The following GRIN2D variants were observed in gnomAD, a reference collection of about 807,000 sequenced individuals.
GRIN2D encodes glutamate receptor ionotropic, NMDA 2D.
In GRIN2D, 37 loss-of-function variants were observed where a neutral mutation model predicts 103.2. The observed-to-expected ratio is 0.36, with a 90% CI of 0.28 to 0.47. The LOEUF is 0.47. Ranked by LOEUF, GRIN2D falls within the 20% of genes least tolerant of loss-of-function variation. The pLI is 1.00. For missense variants in GRIN2D, 1,557 were observed against 1,910.6 expected (o/e 0.81, Z 3.45); for synonymous variants, 845 against 885.6 (o/e 0.95, Z 0.81).
intron 4 of GRIN2D, among the ~76,000 whole-genome samples, chr19:48,412,827 TA>T (rs201379585): frequency 0.012 from 1,143 of 98,774 alleles, 6 homozygotes; most frequent in African/African-American, 0.022. Context: ...AACCACACAT[TA>T]AAAAAAAAAA....
rs778622196 is a variant in GRIN2D at position 48,414,083 on chromosome 19, C to G, written c.1178C>G (p.Thr393Ser). The G allele has an allele frequency of 8.7e-6, 14 of 1,606,044 alleles. No individual in the cohort carries two copies. Among genetic ancestry groups the G allele is most frequent in the Non-Finnish European group, 1.2e-5 (14 of 1,172,816 alleles). Residue 393 changes from threonine (T) to serine (S), a missense_variant, in exon 5 of 14, where the codon ACC becomes AGC. Physicochemically the swap from Thr to Ser is moderately conservative, Grantham distance 58. Around this residue, in one of 7 missense-constraint regions of GRIN2D, gnomAD observed 490 missense variants for 601.1 expected, o/e 0.82. Transcript: ENST00000263269. The surrounding 1 kb of genome is among the most constrained non-coding windows in gnomAD (Gnocchi z 4.6). ...CCCTCCCTGGTGGTCATCTCCCTCA[C>G]CAGAGACAGGACGTGGGAGGTGGTG... Reference protein sequence around the residue: ...VNPSLVVISLTRDRTWEVVGS... With the variant: ...VNPSLVVISLSRDRTWEVVGS...
intron 3 of GRIN2D, among the ~76,000 whole-genome samples, chr19:48,401,265 G>A (rs1699934): frequency 0.58 from 87,482 of 150,230 alleles, 26,846 homozygotes; most frequent in East Asian, 0.81. Flanking sequence ...GAGGGGGGGG[G>A]AAAAAAAGAG....
intron 8 of GRIN2D, 140 bp from the exon 9 acceptor site, chr19:48,419,094 G>T: frequency 1.6e-6 from 1 of 609,414 alleles, no homozygotes; most frequent in Middle Eastern, 4.6e-4. Context: ...GGCCAGTCTG[G>T]TCTTGAACTC....
At chr19:48,427,593 C>T (rs775319212) in intron 11 of GRIN2D, among the ~76,000 whole-genome samples, 1 of 150,166 alleles carries the variant, frequency 6.7e-6, no homozygotes, top group Non-Finnish European at 1.5e-5. Context: ...AATTCTCTGC[C>T]TCAGCCTCCT....
chr19:48,428,931 A>T (rs562249782), intron 11 of GRIN2D, among the ~76,000 whole-genome samples: 1 of 152,168 alleles, frequency 6.6e-6, no homozygotes, highest in East Asian at 1.9e-4. Flanking sequence ...TAGGACTGGA[A>T]CCCTGGCAGC....
Position 48,404,940 on chromosome 19 carries a change from C to T in GRIN2D, c.672C>T (p.Asp224=). 6.2e-7 allele frequency: 1 copy of T among 1,613,186 alleles called. No individual in the cohort carries two copies. The highest frequency in any genetic ancestry group is 8.5e-7 in the Non-Finnish European group (1 of 1,179,724). The part of the protein sequence containing the change: ...GWEHRGALTL[D]PGAGEAVLSA... Reference sequence around the variant, plus strand: ...AGCACCGCGGAGCGCTGACGCTGGACCCTGGGGCGGGCGAGGCCGTGCTCA... The same window carrying T: ...AGCACCGCGGAGCGCTGACGCTGGATCCTGGGGCGGGCGAGGCCGTGCTCA... The change falls in exon 4 of 14, where the codon GAC becomes GAT. Residue 224 remains aspartate, a synonymous_variant. Transcript: ENST00000263269.
In GRIN2D at chr19:48,405,226, G is replaced by T; in HGVS notation, c.958G>T (p.Val320Leu). ...CTGGCGGGATGACCTGGCTCGGCGA[G>T]TGGCAGCTGGCGTGGCCGTAGTGGC... ...AGWRDDLARR[V>L]AAGVAVVARG... Residue 320 changes from valine to leucine, a missense_variant, in exon 4 of 14, where the codon GTG (valine) becomes TTG (leucine). Coordinates refer to ENST00000263269, the MANE Select transcript of GRIN2D (RefSeq NM_000836.4). The surrounding 1 kb of genome is among the most constrained non-coding windows in gnomAD (Gnocchi z 5.1). 2 of 1,598,082 alleles carry T rather than the reference G, an allele frequency of 1.3e-6. No individual in the cohort carries two copies. Among genetic ancestry groups the T allele is most frequent in the South Asian group, 1.1e-5 (1 of 90,126 alleles).
Position 48,421,470 on chromosome 19 carries a change from G to A in GRIN2D, c.2092-315G>A, listed in dbSNP as rs1439116640. On this transcript the variant is annotated intron_variant, in intron 10 of 13. Coordinates refer to ENST00000263269, the MANE Select transcript of GRIN2D (RefSeq NM_000836.4). The surrounding 1 kb of genome is among the most constrained non-coding windows in gnomAD (Gnocchi z 4.8). ...CTATTTCTGAACGGATTGGTAAATA[G>A]CAACAGCTCCCAGCTCCTGCCATGC... Among the ~76,000 whole-genome samples, 1 of 151,756 alleles carries A rather than the reference G, an allele frequency of 6.6e-6. No homozygotes were observed. Among genetic ancestry groups the A allele is most frequent in the African/African-American group, 2.4e-5 (1 of 41,248 alleles).
intron 3 of GRIN2D, among the ~76,000 whole-genome samples, chr19:48,402,765 CGAGAGAGAGAGAGAGAGAGAGAGAGA>C: frequency 9.2e-6 from 1 of 109,004 alleles, no homozygotes; most frequent in South Asian, 3.4e-4. Flanking sequence ...TACTCCTTTA[CGAGAGAGAGAGAGAGAGAGAGAGAGA>C]GAGAGAGAGA....
At position 48,425,926 on chromosome 19, in the gene GRIN2D, C is replaced by T. The variant is rs75948454; in HGVS notation, c.2252+3981C>T. Among the ~76,000 whole-genome samples the T allele has an allele frequency of 8.5e-3, 1,291 of 152,178 alleles. 6 individuals carry two copies. Among genetic ancestry groups the T allele is most frequent in the Middle Eastern group, 0.024 (7 of 294 alleles). On this transcript the variant is annotated intron_variant, in intron 11 of 13. Transcript: ENST00000263269. ...GTGAATTTCCCGGCTTCTCATAAAGCTTCCCCTGCCCCTCCAGTCACCATA... is the reference window on the plus strand; with the variant it reads ...GTGAATTTCCCGGCTTCTCATAAAGTTTCCCCTGCCCCTCCAGTCACCATA...
chr19:48,443,516 G>A lies in GRIN2D; in HGVS notation c.3590G>A (p.Cys1197Tyr). Residue 1197 changes from cysteine (C) to tyrosine (Y), a missense_variant, in exon 14 of 14, where the codon TGC becomes TAC. Physicochemically the swap from Cys to Tyr is radical, Grantham distance 194. Around this residue, in one of 7 missense-constraint regions of GRIN2D, gnomAD observed 632 missense variants for 572.8 expected, o/e 1.10. Coordinates refer to ENST00000263269, the MANE Select transcript of GRIN2D (RefSeq NM_000836.4). This position sits in a 1 kb window ranked among gnomAD's most constrained non-coding sequence, Gnocchi z 8.9. Reference sequence around the variant, plus strand: ...CTGCCGCCGCCGCGCCATCTCAGCTGCTCGCACGATGGCCTGGACGGCGGC... The same window carrying A: ...CTGCCGCCGCCGCGCCATCTCAGCTACTCGCACGATGGCCTGGACGGCGGC... ...ELLPPPRHLS[C>Y]SHDGLDGGWW... 7.4e-7 allele frequency: 1 copy of A among 1,347,598 alleles called. No homozygotes were observed. The highest frequency in any genetic ancestry group is 9.5e-7 in the Non-Finnish European group (1 of 1,049,950). 83.5% of individuals were successfully genotyped at this position (1,347,598 alleles called of 1,614,324 possible).
chr19:48,426,072 T>G (rs1260177923), intron 11 of GRIN2D, among the ~76,000 whole-genome samples: 2 of 152,196 alleles, frequency 1.3e-5, no homozygotes, highest in Non-Finnish European at 2.9e-5. Flanking sequence ...TGTTCCTTCA[T>G]TGCTGAATAC....
chr19:48,429,538 T>C (rs901927071), intron 11 of GRIN2D, among the ~76,000 whole-genome samples: 4 of 152,044 alleles, frequency 2.6e-5, no homozygotes, highest in Admixed American at 2.6e-4. Context: ...TAGCTGGGAT[T>C]ACAGAAGCCT....
rs2147434790 is a variant in GRIN2D at position 48,398,828 on chromosome 19, G to T, written c.436G>T (p.Gly146Cys). 2 of 1,408,180 alleles carry T rather than the reference G, an allele frequency of 1.4e-6. No individual in the cohort carries two copies. Among genetic ancestry groups the T allele is most frequent in the South Asian group, 1.5e-5 (1 of 68,920 alleles). 87.2% of individuals were successfully genotyped at this position (1,408,180 alleles called of 1,614,324 possible). The change falls in exon 3 of 14, where the codon GGC becomes TGC. Residue 146 changes from glycine to cysteine, a missense_variant. By Grantham distance (159) the Gly-to-Cys change is radical. This residue lies in a region of GRIN2D where 490 missense variants were observed against 601.1 expected (regional missense o/e 0.82). Coordinates refer to ENST00000263269, the MANE Select transcript of GRIN2D (RefSeq NM_000836.4). ...QTSLPIVAVHGGAALVLTPKE... is the reference protein window; with the variant it reads ...QTSLPIVAVHCGAALVLTPKE... ...CTCGCTGCCCATCGTGGCCGTGCAC[G>T]GCGGCGCCGCGCTCGTGCTCACGCC... is the stretch of plus-strand genomic sequence containing the variant.
chr19:48,435,294 T>G (rs1349872932), intron 11 of GRIN2D, among the ~76,000 whole-genome samples: 1 of 68,922 alleles, frequency 1.5e-5, no homozygotes, highest in Non-Finnish European at 3.1e-5. Context: ...ATTCAGCCAC[T>G]TGTTTTTTTT....
chr19:48,402,148 G>GA (rs1465843548), intron 3 of GRIN2D, among the ~76,000 whole-genome samples: 1 of 139,632 alleles, frequency 7.2e-6, no homozygotes, highest in Non-Finnish European at 1.6e-5. Flanking sequence ...AAGAAAGAAA[G>GA]AAAGAAAGAA....
intron 3 of GRIN2D, among the ~76,000 whole-genome samples, chr19:48,403,795 G>C (rs1970747253): frequency 6.6e-6 from 1 of 152,336 alleles, no homozygotes; most frequent in Admixed American, 6.5e-5. Flanking sequence ...TCTCCTCACT[G>C]CCTTCAGGGA....
intron 11 of GRIN2D, among the ~76,000 whole-genome samples, chr19:48,436,231 C>T (rs563047751): frequency 3.5e-4 from 53 of 152,084 alleles, no homozygotes; most frequent in African/African-American, 1.2e-3. Flanking sequence ...GATAATTTGG[C>T]GGGTAGGGGC....
intron 4 of GRIN2D, among the ~76,000 whole-genome samples, chr19:48,409,421 G>C (rs1222347246): frequency 6.6e-6 from 1 of 151,902 alleles, no homozygotes; most frequent in South Asian, 2.1e-4. Context: ...GGGACCACAG[G>C]TGCCTGCCAC....
Sources: allele counts gnomAD v4.1 joint callset (sites outside exome capture counted in the v4.1 genomes callset), GRCh38; gene constraint gnomAD v4.1.1; regional missense constraint gnomAD v4.1.1; non-coding constraint Gnocchi (gnomAD v3.1); transcripts MANE v1.5; gene names NCBI Gene and HGNC (gene_info 2026-07-23, HGNC 2026-07-21).